PIK3C2G: variants seen among roughly 807,000 people sequenced by gnomAD.
PIK3C2G encodes the protein phosphatidylinositol 3-kinase C2 domain-containing subunit gamma.
Under a neutral mutation model 181.1 loss-of-function variants are expected in PIK3C2G, and 168 were observed. The ratio of observed to expected loss-of-function variants is 0.93; its 90% confidence interval spans 0.82 to 1.05. The LOEUF is 1.05. Among genes scored for constraint, PIK3C2G ranks in the 50% least tolerant of loss-of-function variants. The pLI, the probability that PIK3C2G is intolerant of heterozygous loss-of-function variation, is 0.00. For synonymous variants in PIK3C2G, 573 were observed against 592.2 expected (o/e 0.97, Z 0.47); for missense variants, 1,869 against 1,732.8 (o/e 1.08, Z -1.40).
upstream of PIK3C2G, among the ~76,000 whole-genome samples, chr12:18,246,332 G>GC (rs1948039605): frequency 6.6e-6 from 1 of 152,060 alleles, no homozygotes; most frequent in Non-Finnish European, 1.5e-5. Flanking sequence ...GATATTTTCA[G>GC]CCCATCACAA....
At chr12:18,278,413 T>C (rs927271529) in intron 1 of PIK3C2G, among the ~76,000 whole-genome samples, 2 of 152,190 alleles carry the variant, frequency 1.3e-5, no homozygotes, top group African/African-American at 4.8e-5. Context: ...TGAAGGATCC[T>C]TGTGATTACC....
chr12:18,313,816 AC>A, intron 5 of PIK3C2G, 145 bp from the exon 6 acceptor site: 4 of 518,332 alleles, frequency 7.7e-6, no homozygotes, highest in Non-Finnish European at 1.4e-5. Flanking sequence ...ACACACACAC[AC>A]ACACACACAC....
intron 24 of PIK3C2G, among the ~76,000 whole-genome samples, chr12:18,506,900 C>A (rs1941871855): frequency 6.6e-6 from 1 of 152,098 alleles, no homozygotes; most frequent in African/African-American, 2.4e-5. Context: ...CATAACCTGG[C>A]ATTAAAATGC....
the PIK3C2G span, among the ~76,000 whole-genome samples, chr12:18,725,305 TAAGA>T: frequency 1.3e-5 from 2 of 151,926 alleles, no homozygotes; most frequent in African/African-American, 4.8e-5. Flanking sequence ...AGAAAAGCAA[TAAGA>T]AAGAAGGTGC....
intron 2 of PIK3C2G, 52 bp downstream of exon 2, chr12:18,282,811 A>G (rs576024637): frequency 4.2e-6 from 5 of 1,189,954 alleles, no homozygotes; most frequent in Non-Finnish European, 5.9e-6. Context: ...GAATCATTCA[A>G]TAATGTATTG....
intron 12 of PIK3C2G, chr12:18,363,143 A>C (rs1941386582): frequency 3.6e-6 from 1 of 279,576 alleles, no homozygotes; most frequent in Non-Finnish European, 6.6e-6. Flanking sequence ...AAAGAAGAAG[A>C]CTTATTAATC....
intron 1 of PIK3C2G, among the ~76,000 whole-genome samples, chr12:18,274,877 A>T (rs1948916044): frequency 6.6e-6 from 1 of 152,214 alleles, no homozygotes; most frequent in Non-Finnish European, 1.5e-5. Flanking sequence ...ATATGTTGTC[A>T]GATCAGATAG....
chr12:18,650,724 A>ATATATC (rs1950464990), downstream of PIK3C2G, among the ~76,000 whole-genome samples: 12 of 19,260 alleles, frequency 6.2e-4, 1 homozygote, highest in Middle Eastern at 0.019. Context: ...ATATATATAT[A>ATATATC]TATATATATA....
intron 24 of PIK3C2G, among the ~76,000 whole-genome samples, chr12:18,534,250 T>G (rs1943722107): frequency 6.6e-6 from 1 of 151,994 alleles, no homozygotes; most frequent in Non-Finnish European, 1.5e-5. Context: ...ATGCCCAGCC[T>G]CTTGCTATTT....
At chr12:18,287,288 T>C (rs75003505) in intron 3 of PIK3C2G, among the ~76,000 whole-genome samples, 3,115 of 152,152 alleles carry the variant, frequency 0.02, 104 homozygotes, top group African/African-American at 0.07. Context: ...AAACTTATCC[T>C]CCCTACCTGG....
At chr12:18,411,720 C>T (rs1944876734) in intron 16 of PIK3C2G, among the ~76,000 whole-genome samples, 2 of 152,176 alleles carry the variant, frequency 1.3e-5, no homozygotes, top group South Asian at 4.1e-4. Flanking sequence ...ATGGCATATT[C>T]TGCATGAATT....
the PIK3C2G span, among the ~76,000 whole-genome samples, chr12:18,680,285 A>G: frequency 6.6e-6 from 1 of 151,896 alleles, no homozygotes; most frequent in African/African-American, 2.4e-5. Context: ...GTGACTCCCA[A>G]ATTTCCTGAG....
At chr12:18,718,139 GTAGAT>G in the PIK3C2G span, among the ~76,000 whole-genome samples, 1 of 152,090 alleles carries the variant, frequency 6.6e-6, no homozygotes, top group Non-Finnish European at 1.5e-5. Flanking sequence ...ATAATGTTTG[GTAGAT>G]TAGATATACT....
intron 24 of PIK3C2G, among the ~76,000 whole-genome samples, chr12:18,520,964 T>C (rs1942874812): frequency 6.6e-6 from 1 of 151,968 alleles, no homozygotes; most frequent in African/African-American, 2.4e-5. Context: ...TGTTGCATTC[T>C]GTTTGTTTGT....
intron 18 of PIK3C2G, among the ~76,000 whole-genome samples, chr12:18,478,488 T>G (rs1939227020): frequency 6.6e-6 from 1 of 152,110 alleles, no homozygotes; most frequent in African/African-American, 2.4e-5. Flanking sequence ...CCCACTGCCA[T>G]TTGTCTAAAT....
intron 11 of PIK3C2G, among the ~76,000 whole-genome samples, chr12:18,347,541 G>A (rs1939787708): frequency 6.6e-6 from 1 of 152,168 alleles, no homozygotes; most frequent in African/African-American, 2.4e-5. Context: ...CGGGCACAGT[G>A]GCTCATGCCT....
intron 18 of PIK3C2G, among the ~76,000 whole-genome samples, chr12:18,440,162 G>A (rs1165366555): frequency 1.3e-5 from 2 of 151,980 alleles, no homozygotes; most frequent in Non-Finnish European, 2.9e-5. Context: ...ATGGGGCCAC[G>A]GTGTTGGATA....
chr12:18,485,975 G>T (rs1387765528), intron 18 of PIK3C2G, among the ~76,000 whole-genome samples: 1 of 152,140 alleles, frequency 6.6e-6, no homozygotes, highest in Non-Finnish European at 1.5e-5. Context: ...ACAGAACTGA[G>T]TAACCTTCCA....
At chr12:18,407,573 T>C (rs1455321376) in intron 16 of PIK3C2G, among the ~76,000 whole-genome samples, 3 of 152,124 alleles carry the variant, frequency 2.0e-5, no homozygotes, top group Non-Finnish European at 2.9e-5. Context: ...TCTTGCAATC[T>C]TCTGGAGGTA....
Sources: gnomAD v4.1 joint callset for allele counts (sites outside exome capture counted in the v4.1 genomes callset) on GRCh38, gnomAD v4.1.1 for gene constraint, MANE v1.5 for transcripts, NCBI Gene and HGNC (gene_info 2026-07-23, HGNC 2026-07-21) for gene names.